The following SLC6A15 variants were observed in gnomAD, a reference collection of about 807,000 sequenced individuals.
SLC6A15 encodes solute carrier family 6 member 15, also known as sodium-dependent neutral amino acid transporter B(0)AT2.
Under a neutral mutation model 68.5 loss-of-function variants are expected in SLC6A15, and 33 were observed. The observed-to-expected ratio is 0.48, with a 90% CI of 0.37 to 0.64. The LOEUF (loss-of-function observed/expected upper bound fraction) is 0.64. Ranked by LOEUF, SLC6A15 falls within the 30% of genes least tolerant of loss-of-function variation. The pLI is 0.00. For synonymous variants in SLC6A15, 347 were observed against 301.0 expected (o/e 1.15, Z -1.58); for missense variants, 747 against 874.3 (o/e 0.85, Z 1.84).
At chr12:84,867,889 T>C (rs748428171) in intron 9 of SLC6A15, 1 of 152,216 alleles carries the variant, frequency 6.6e-6, no homozygotes, top group Non-Finnish European at 1.5e-5. Flanking sequence ...CATAAATTTC[T>C]GACCAGCTAC....
rs1009530177 is a variant in SLC6A15, at chr12:84,873,004, T to C, written c.1109+83A>G. 22 of 1,468,030 alleles carry C rather than the reference T, an allele frequency of 1.5e-5. No homozygotes were observed. In the South Asian group the frequency reaches 2.2e-4, roughly 14 times the overall value. 90.9% of individuals were successfully genotyped at this position (1,468,030 alleles called of 1,614,324 possible). A position where few individuals can be genotyped will look rare whatever the true frequency, so the allele number is the denominator to read the frequency against. On this transcript the variant is annotated intron_variant, in intron 7 of 11. Coordinates refer to ENST00000266682, the MANE Select transcript of SLC6A15 (RefSeq NM_182767.6). Reference sequence around the variant, plus strand: ...AACTATCACATGTATCTCATAAATATGTATAGCTATCATGTATCAATAAAA... The same window carrying C: ...AACTATCACATGTATCTCATAAATACGTATAGCTATCATGTATCAATAAAA...
At chr12:84,904,218 G>A (rs1377257961) in intron 1 of SLC6A15, among the ~76,000 whole-genome samples, 3 of 38,644 alleles carry the variant, frequency 7.8e-5, no homozygotes, top group South Asian at 6.5e-4. Flanking sequence ...GGGGAGGGGC[G>A]GAGGGGGAGA....
chr12:84,901,525 T>TA (rs780363463), intron 1 of SLC6A15, among the ~76,000 whole-genome samples: 12 of 151,860 alleles, frequency 7.9e-5, no homozygotes, highest in Non-Finnish European at 1.6e-4. Flanking sequence ...ATATGTTCAC[T>TA]AAAAAATTAA....
Position 84,892,156 on chromosome 12 carries a change from A to AAC in SLC6A15, c.-37_-36insGT, listed in dbSNP as rs1227998387. On this transcript the variant is annotated 5_prime_UTR_variant, in exon 2 of 12. Coordinates refer to ENST00000266682, the MANE Select transcript of SLC6A15 (RefSeq NM_182767.6). ...GCGAAGTATTTAAAAAAAAAAAAAAAAACTCCCTTATGGCAAATGTGTTAA... is the reference window on the plus strand; with the variant it reads ...GCGAAGTATTTAAAAAAAAAAAAAAAACAACTCCCTTATGGCAAATGTGTTAA... 1 of 1,538,772 alleles carries AAC rather than the reference A, an allele frequency of 6.5e-7. No homozygotes were observed. Among genetic ancestry groups the AAC allele is most frequent in the African/African-American group, 1.4e-5 (1 of 71,362 alleles).
chr12:84,880,945 T>C (rs1341097524), intron 5 of SLC6A15: 1 of 916,448 alleles, frequency 1.1e-6, no homozygotes, highest in African/African-American at 1.8e-5. Context: ...CTATCATGTA[T>C]TGGTTGCTTA....
At position 84,872,805 on chromosome 12, in the gene SLC6A15, A is replaced by C. The variant is rs1565722225; in HGVS notation, c.1110-11T>G. 1 of 1,592,902 alleles carries C rather than the reference A, an allele frequency of 6.3e-7. No individual in the cohort carries two copies. The highest frequency in any genetic ancestry group is 2.2e-5 in the East Asian group (1 of 44,698). On this transcript the variant is annotated splice_polypyrimidine_tract_variant and intron_variant, in intron 7 of 11. Coordinates refer to ENST00000266682, the MANE Select transcript of SLC6A15 (RefSeq NM_182767.6). ...ATCGTCTCTGAATTTCTGAAAAATA[A>C]AACAACATACAAATGAGCACATAAG...
chr12:84,897,762 A>G (rs1033268529), intron 1 of SLC6A15, among the ~76,000 whole-genome samples: 2 of 152,162 alleles, frequency 1.3e-5, no homozygotes, highest in African/African-American at 4.8e-5. Flanking sequence ...GATGAGCCCT[A>G]TGGGATGAAG....
intron 1 of SLC6A15, among the ~76,000 whole-genome samples, chr12:84,904,224 G>GGAGAGAGGGAGAGAGAGAGA (rs1555183260): frequency 2.5e-5 from 3 of 121,994 alleles, no homozygotes; most frequent in African/African-American, 1.1e-4. Context: ...GGGCGGAGGG[G>GGAGAGAGGGAGAGAGAGAGA]GAGAGAGAGA....
intron 11 of SLC6A15, 87 bp downstream of exon 11, chr12:84,863,352 A>G: frequency 2.0e-6 from 2 of 984,278 alleles, no homozygotes; most frequent in East Asian, 2.7e-5. Context: ...ACAGCAAAAA[A>G]TACTGTGATG....
At chr12:84,863,711 C>T (rs1459200834) in intron 10 of SLC6A15, 110 bp from the exon 11 acceptor site, 2 of 685,590 alleles carry the variant, frequency 2.9e-6, no homozygotes, top group African/African-American at 1.9e-5. Flanking sequence ...TACCCTATGA[C>T]ATTTTATACT....
At position 84,883,888 on chromosome 12, in the gene SLC6A15, T is replaced by C. The variant is rs1871949300; in HGVS notation, c.727A>G (p.Met243Val). ...CCAGAAGACTGAATGCCTTTGATCA[T>C]AGCCAAGCAAACCATGACCCAGGCA... ...LAAWVMVCLA[M>V]IKGIQSSGKI... The change falls in exon 5 of 12, where the codon ATG becomes GTG. Residue 243 changes from methionine (M) to valine (V), a missense_variant. Met to Val is a conservative substitution (Grantham distance 21). Coordinates refer to ENST00000266682, the MANE Select transcript of SLC6A15 (RefSeq NM_182767.6). The C allele has an allele frequency of 1.2e-6, 2 of 1,614,094 alleles. No individual in the cohort carries two copies. Among genetic ancestry groups the C allele is most frequent in the Admixed American group, 1.7e-5 (1 of 60,006 alleles).
chr12:84,883,450 C>T, intron 5 of SLC6A15: 1 of 1,137,628 alleles, frequency 8.8e-7, no homozygotes. Flanking sequence ...ACACCTACAG[C>T]AGAGAGAAAC....
chr12:84,887,496 A>G (rs1330719245), intron 2 of SLC6A15, among the ~76,000 whole-genome samples: 1 of 152,182 alleles, frequency 6.6e-6, no homozygotes, highest in East Asian at 1.9e-4. Flanking sequence ...ACTGATTTTC[A>G]GTCTTTCATT....
intron 9 of SLC6A15, among the ~76,000 whole-genome samples, chr12:84,868,497 A>C (rs746293022): frequency 9.9e-5 from 15 of 152,126 alleles, no homozygotes; most frequent in Non-Finnish European, 1.6e-4. Flanking sequence ...CTATCTCCTA[A>C]TTACACCCCA....
At chr12:84,911,123 G>A (rs969762815) in intron 1 of SLC6A15, among the ~76,000 whole-genome samples, 4 of 152,130 alleles carry the variant, frequency 2.6e-5, no homozygotes, top group African/African-American at 9.7e-5. Context: ...GGTGGGTGAG[G>A]GGCTTGTTGG....
chr12:84,912,495 T>G (rs1873526016), intron 1 of SLC6A15, 28 bp downstream of exon 1: 1 of 152,518 alleles, frequency 6.6e-6, no homozygotes, highest in Non-Finnish European at 1.5e-5. Context: ...CCCCCAGTTG[T>G]GCCCTTAGCG....
intron 4 of SLC6A15, among the ~76,000 whole-genome samples, chr12:84,885,035 T>C (rs1418894754): frequency 1.3e-5 from 2 of 151,806 alleles, no homozygotes; most frequent in Non-Finnish European, 1.5e-5. Flanking sequence ...AAAAAAATGA[T>C]GGGAAAAGTA....
At chr12:84,875,646 C>T (rs1312648796) in intron 6 of SLC6A15, among the ~76,000 whole-genome samples, 2 of 111,926 alleles carry the variant, frequency 1.8e-5, no homozygotes, top group Admixed American at 1.1e-4. Flanking sequence ...TAGTGGGGTG[C>T]ACCATATATA....
At chr12:84,869,873 C>T in intron 9 of SLC6A15, among the ~76,000 whole-genome samples, 1 of 151,972 alleles carries the variant, frequency 6.6e-6, no homozygotes, top group East Asian at 1.9e-4. Context: ...TTGTATATCT[C>T]TTATAATTTA....
Sources: gnomAD v4.1 joint callset for allele counts (sites outside exome capture counted in the v4.1 genomes callset) on GRCh38, gnomAD v4.1.1 for gene constraint, MANE v1.5 for transcripts, NCBI Gene and HGNC (gene_info 2026-07-23, HGNC 2026-07-21) for gene names.